FOXRED2: variants seen among roughly 807,000 people sequenced by gnomAD.
FOXRED2 encodes FAD-dependent oxidoreductase domain-containing protein 2.
A neutral mutation model predicts 52.5 loss-of-function variants in FOXRED2; 32 were observed. The ratio of observed to expected loss-of-function variants is 0.61; its 90% CI spans 0.46 to 0.82. The LOEUF is 0.82. FOXRED2 is among the 40% of genes least tolerant of loss of function. FOXRED2 has a pLI of 0.00. For synonymous variants in FOXRED2, 405 were observed against 398.1 expected (o/e 1.02, Z -0.21); for missense variants, 848 against 937.5 (o/e 0.90, Z 1.25).
At chr22:36,504,804 T>A (rs770793268) in intron 2 of FOXRED2, 38 bp from the exon 3 acceptor site, 1 of 1,607,198 alleles carries the variant, frequency 6.2e-7, no homozygotes, top group South Asian at 1.1e-5. Flanking sequence ...CTTAGTCTCT[T>A]AGCTATAAGA....
chr22:36,496,008 AAGTT>A lies in FOXRED2; in HGVS notation c.1579_1582del (p.Asn527PhefsTer18), dbSNP rs1196421133. 3.1e-6 allele frequency: 5 copies of A among 1,614,100 alleles called. No homozygotes were observed. Among genetic ancestry groups the A allele is most frequent in the Non-Finnish European group, 4.2e-6 (5 of 1,180,048 alleles). On this transcript the variant is annotated frameshift_variant, in exon 7 of 9. Coordinates refer to ENST00000397224, the MANE Select transcript of FOXRED2 (RefSeq NM_001102371.2). LOFTEE classifies it high-confidence loss of function. ...ATAGTAGTAGATGACAGGATGAAGAAAGTTAGACTGCCAGGCATCTTCTGTGTGC... is the reference window on the plus strand; with the variant it reads ...ATAGTAGTAGATGACAGGATGAAGAAAGACTGCCAGGCATCTTCTGTGTGC...
At chr22:36,505,784 A>T in intron 2 of FOXRED2, 112 bp downstream of exon 2, 1 of 1,184,914 alleles carries the variant, frequency 8.4e-7, no homozygotes, top group Non-Finnish European at 1.2e-6. Flanking sequence ...AAAAAAAAAA[A>T]GCGAAATACC....
intron 8 of FOXRED2, among the ~76,000 whole-genome samples, chr22:36,493,171 G>A (rs950165075): frequency 1.3e-5 from 2 of 152,164 alleles, no homozygotes; most frequent in Non-Finnish European, 2.9e-5. Context: ...AGCTGGGTGC[G>A]GTGGCTCACA....
intron 4 of FOXRED2, 95 bp from the exon 5 acceptor site, chr22:36,501,502 C>A: frequency 7.7e-7 from 1 of 1,290,472 alleles, no homozygotes; most frequent in Non-Finnish European, 1.1e-6. Flanking sequence ...CTCTTGTCGC[C>A]CAGGTTAGAG....
chr22:36,504,985 C>T (rs1934156019), intron 2 of FOXRED2, among the ~76,000 whole-genome samples: 1 of 152,192 alleles, frequency 6.6e-6, no homozygotes, highest in African/African-American at 2.4e-5. Context: ...CCTGAGCTCA[C>T]AGTATTTTCC....
intron 6 of FOXRED2, 99 bp from the exon 7 acceptor site, chr22:36,496,307 C>T (rs1161346302): frequency 5.6e-6 from 8 of 1,422,892 alleles, no homozygotes; most frequent in Admixed American, 2.1e-5. Flanking sequence ...GTATCTCCCC[C>T]TCTAAGGAGC....
At chr22:36,506,721 A>G (rs896177589) in intron 1 of FOXRED2, 15 of 344,274 alleles carry the variant, frequency 4.4e-5, no homozygotes, top group African/African-American at 2.6e-4. Flanking sequence ...GTACTCCCCA[A>G]TTTTCCCCTA....
rs866445229 is a variant in FOXRED2, at chr22:36,504,368, C to T, written c.780-1G>A. 1.2e-6 allele frequency: 2 copies of T among 1,613,766 alleles called. No homozygotes were observed. The highest frequency in any genetic ancestry group is 1.3e-5 in the African/African-American group (1 of 74,986). The stretch of plus-strand genomic sequence containing the variant: ...ATCCAGCAGGCCATTGTTGATGGCT[C>T]TGAGCCCACAGAGAATGCAGGGGAG... On this transcript the variant is annotated splice_acceptor_variant, in intron 3 of 8. Transcript: ENST00000397224. LOFTEE classifies it high-confidence loss of function.
chr22:36,496,577 G>T (rs1748955456), intron 6 of FOXRED2, among the ~76,000 whole-genome samples: 1 of 152,224 alleles, frequency 6.6e-6, no homozygotes, highest in African/African-American at 2.4e-5. Flanking sequence ...GCCTTGAGAG[G>T]TCAAGGAGGG....
chr22:36,490,599 G>A (rs1441437251), intron 8 of FOXRED2, among the ~76,000 whole-genome samples: 3 of 152,238 alleles, frequency 2.0e-5, no homozygotes, highest in Non-Finnish European at 4.4e-5. Flanking sequence ...CACTGGGGGC[G>A]GGGCTCCGAC....
intron 3 of FOXRED2, 72 bp downstream of exon 3, chr22:36,504,443 G>C (rs1012922501): frequency 1.9e-6 from 3 of 1,607,804 alleles, no homozygotes; most frequent in Admixed American, 1.7e-5. Context: ...GGAAGGGCAG[G>C]GGAGGGTTGG....
chr22:36,506,489 A>G (rs1934204599), intron 1 of FOXRED2, 66 bp from the exon 2 acceptor site: 3 of 1,372,298 alleles, frequency 2.2e-6, no homozygotes, highest in Non-Finnish European at 9.5e-7. Context: ...GAGGCCCAGA[A>G]AGAGGCGGGG....
rs953229766 is a variant in FOXRED2, at chr22:36,489,743, T to C, written c.*265A>G. ...GGCCTGGGGCTCAGCGACAGCTCCA[T>C]TGCAGACAAACTGGGCTGGGGAAGG... On this transcript the variant is annotated 3_prime_UTR_variant, in exon 9 of 9. Transcript: ENST00000397224. 4.7e-5 allele frequency: 19 copies of C among 402,916 alleles called. No homozygotes were observed. Among genetic ancestry groups the C allele is most frequent in the East Asian group, 2.1e-4 (5 of 24,258 alleles). The allele number at this position is 402,916 out of a possible 1,614,324, so 25.0% of individuals were successfully genotyped here. A position where few individuals can be genotyped will look rare whatever the true frequency, so the allele number is the denominator to read the frequency against.
In FOXRED2 at chr22:36,506,351, C is replaced by T; in HGVS notation, c.72G>A (p.Ala24=). ...AGTCCCGGCGCGGGGGCACCGACAG[C>T]GCTGGGTGCAGGGCGATGGCCAGGA... The part of the protein sequence containing the change: ...GLLLAIALHP[A]LSVPPRRDYC... The change falls in exon 2 of 9, where the codon GCG becomes GCA. Residue 24 remains alanine, a synonymous_variant. Coordinates refer to ENST00000397224, the MANE Select transcript of FOXRED2 (RefSeq NM_001102371.2). 6.8e-7 allele frequency: 1 copy of T among 1,479,022 alleles called. No homozygotes were observed. The highest frequency in any genetic ancestry group is 8.9e-7 in the Non-Finnish European group (1 of 1,117,982). 91.6% of individuals were successfully genotyped at this position (1,479,022 alleles called of 1,614,324 possible). A position where few individuals can be genotyped will look rare whatever the true frequency, so the allele number is the denominator to read the frequency against.
At chr22:36,493,564 T>C (rs1933814672) in intron 8 of FOXRED2, 69 bp downstream of exon 8, 2 of 1,404,970 alleles carry the variant, frequency 1.4e-6, no homozygotes, top group Non-Finnish European at 2.0e-6. Context: ...ACTCCACGGG[T>C]CTTGGGTCTC....
At chr22:36,505,477 T>C (rs1026634475) in intron 2 of FOXRED2, among the ~76,000 whole-genome samples, 2 of 152,140 alleles carry the variant, frequency 1.3e-5, no homozygotes, top group African/African-American at 4.8e-5. Context: ...GTTTCAAAAA[T>C]AGAATTGAAG....
In FOXRED2 at chr22:36,498,101, G is replaced by A. The variant is rs761989756; in HGVS notation, c.1272C>T (p.Ala424=). Residue 424 remains alanine (A), a synonymous_variant, in exon 6 of 9, where the codon GCC becomes GCT. Coordinates refer to ENST00000397224, the MANE Select transcript of FOXRED2 (RefSeq NM_001102371.2). ...TCAGCTGTGTGATGGGGAGCTCAGT[G>A]GCGGGCCAGGTGACGCTGTGGTGGC... is the stretch of plus-strand genomic sequence containing the variant. ...EHRHHSVTWP[A]TELPITQLTS... 7 of 1,613,400 alleles carry A rather than the reference G, an allele frequency of 4.3e-6. No individual in the cohort carries two copies. Among genetic ancestry groups the A allele is most frequent in the Non-Finnish European group, 5.9e-6 (7 of 1,180,004 alleles).
intron 7 of FOXRED2, among the ~76,000 whole-genome samples, chr22:36,494,843 CGGCCAGGAT>C (rs1017558041): frequency 1.8e-4 from 27 of 151,728 alleles, no homozygotes; most frequent in Admixed American, 2.0e-4. Context: ...TTCACTATGT[CGGCCAGGAT>C]GGTCTCGACC....
Position 36,501,400 on chromosome 22 carries a change from TGAGG to T in FOXRED2, c.1053_1056del (p.Leu352AspfsTer14), listed in dbSNP as rs747138161. ...CCGAATGCATTTCCCGAGTTAAGTC[TGAGG>T]GACCTGTCAGTGGAAAGGGCTGTTC... On this transcript the variant is annotated frameshift_variant, in exon 5 of 9. Transcript: ENST00000397224. LOFTEE classifies it high-confidence loss of function. 5.3e-5 allele frequency: 86 copies of T among 1,613,974 alleles called. No individual in the cohort carries two copies. Among genetic ancestry groups the T allele is most frequent in the Non-Finnish European group, 7.2e-5 (85 of 1,179,970 alleles).
Sources: gnomAD v4.1 joint callset for allele counts (sites outside exome capture counted in the v4.1 genomes callset) on GRCh38, gnomAD v4.1.1 for gene constraint, MANE v1.5 for transcripts, NCBI Gene and HGNC (gene_info 2026-07-23, HGNC 2026-07-21) for gene names.